The following PARD6B variants were observed in gnomAD, a reference collection of about 807,000 sequenced individuals.
PARD6B encodes the protein par-6 family cell polarity regulator beta, also known as partitioning defective 6 homolog beta.
Under a neutral mutation model 10.5 loss-of-function variants are expected in PARD6B, and 4 were observed. The observed-to-expected ratio is 0.38, with a 90% CI of 0.19 to 0.87. The LOEUF (loss-of-function observed/expected upper bound fraction) is 0.87, where lower values mean the gene tolerates loss of function less well. Ranked by LOEUF, PARD6B falls within the 40% of genes least tolerant of loss-of-function variation. The probability of loss-of-function intolerance (pLI) is 0.41; values close to 1 mark genes in which losing one functional copy is unlikely to be tolerated. For missense variants in PARD6B, 396 were observed against 470.6 expected, an observed-to-expected ratio of 0.84 and a Z score of 1.47; for synonymous variants, 169 against 170.4, an observed-to-expected ratio of 0.99 and a Z score of 0.07.
At position 50,749,959 on chromosome 20, in the gene PARD6B, T is replaced by G. The variant is rs1224858779; in HGVS notation, c.590T>G (p.Leu197Arg). Reference sequence around the variant, plus strand: ...GTTCCAGGGATCTTTATATCCAGGCTTGTCCCAGGAGGTCTGGCTCAAAGT... The same window carrying G: ...GTTCCAGGGATCTTTATATCCAGGCGTGTCCCAGGAGGTCTGGCTCAAAGT... ...EKVPGIFISR[L>R]VPGGLAQSTG... is the part of the protein sequence containing the mutation. Residue 197 changes from leucine (L) to arginine (R), a missense_variant, in exon 3 of 3, where the codon CTT becomes CGT. This residue lies in a region of PARD6B where 208 missense variants were observed against 300.9 expected (regional missense o/e 0.69). Coordinates refer to ENST00000371610, the MANE Select transcript of PARD6B (RefSeq NM_032521.3). 6.8e-6 allele frequency: 11 copies of G among 1,614,236 alleles called. No individual in the cohort carries two copies. The highest frequency in any genetic ancestry group is 9.3e-6 in the Non-Finnish European group (11 of 1,180,046).
intron 2 of PARD6B, among the ~76,000 whole-genome samples, chr20:50,740,700 T>C (rs780777111): frequency 5.3e-5 from 8 of 152,206 alleles, no homozygotes; most frequent in Non-Finnish European, 1.2e-4. Context: ...CCCTTAGAAT[T>C]TGATTTAGAA....
At chr20:50,744,065 G>C (rs2123704771) in intron 2 of PARD6B, among the ~76,000 whole-genome samples, 1 of 146,790 alleles carries the variant, frequency 6.8e-6, no homozygotes, top group South Asian at 2.2e-4. Flanking sequence ...CATGTCCTCT[G>C]CTCCAGGCCA....
intron 2 of PARD6B, among the ~76,000 whole-genome samples, chr20:50,744,105 CTTTTTTT>C (rs753435244): frequency 1.3e-3 from 100 of 77,824 alleles, no homozygotes; most frequent in East Asian, 7.7e-3. Context: ...GAAGTAGCTT[CTTTTTTT>C]TTTTTTTTTT....
chr20:50,750,792 A>C lies in PARD6B; in HGVS notation c.*304A>C. On this transcript the variant is annotated 3_prime_UTR_variant, in exon 3 of 3. Transcript: ENST00000371610. ...TGGAACTATGTGAGAAGACTAGATC[A>C]TTTCTGTTGGAAGTGGTTGCATATT... is the stretch of plus-strand genomic sequence containing the variant. The C allele has an allele frequency of 9.0e-7, 1 of 1,108,574 alleles. No individual in the cohort carries two copies. The highest frequency in any genetic ancestry group is 1.1e-6 in the Non-Finnish European group (1 of 906,334). The allele number at this position is 1,108,574 out of a possible 1,614,324, so 68.7% of individuals were successfully genotyped here. A position where few individuals can be genotyped will look rare whatever the true frequency, so the allele number is the denominator to read the frequency against.
chr20:50,748,213 C>T (rs887173179), intron 2 of PARD6B, among the ~76,000 whole-genome samples: 3 of 152,208 alleles, frequency 2.0e-5, no homozygotes, highest in Admixed American at 1.3e-4. Flanking sequence ...CATAGTGGCG[C>T]ATGCCTGTAA....
Position 50,752,685 on chromosome 20 carries a change from A to T in PARD6B, c.*2197A>T. On this transcript the variant is annotated 3_prime_UTR_variant, in exon 3 of 3. Transcript: ENST00000371610. ...ACCTTTTTAACAATTGTGTGCTATT[A>T]CAACAATGAAGATTCAAATGACTCC... 1.0e-6 allele frequency: 1 copy of T among 977,778 alleles called. No individual in the cohort carries two copies. Among genetic ancestry groups the T allele is most frequent in the Non-Finnish European group, 1.2e-6 (1 of 822,526 alleles). 60.6% of individuals were successfully genotyped at this position (977,778 alleles called of 1,614,324 possible). A position where few individuals can be genotyped will look rare whatever the true frequency, so the allele number is the denominator to read the frequency against.
In PARD6B at chr20:50,753,398, TAAC is replaced by T; in HGVS notation, c.*2913_*2915del. The T allele has an allele frequency of 1.0e-6, 1 of 984,236 alleles. No individual in the cohort carries two copies. The highest frequency in any genetic ancestry group is 1.7e-5 in the African/African-American group (1 of 57,328). The allele number at this position is 984,236 out of a possible 1,614,324, so 61.0% of individuals were successfully genotyped here. ...ATCAATTATTTCAAGTGCACCTTAT[TAAC>T]AAAAGTATCAGTGGATCCAACATAA... On this transcript the variant is annotated 3_prime_UTR_variant, in exon 3 of 3. Coordinates refer to ENST00000371610, the MANE Select transcript of PARD6B (RefSeq NM_032521.3).
intron 1 of PARD6B, among the ~76,000 whole-genome samples, chr20:50,732,856 T>C (rs2087479193): frequency 6.6e-6 from 1 of 151,544 alleles, no homozygotes. Context: ...TAAAATAGAA[T>C]TGAGAAGGCC....
Position 50,753,003 on chromosome 20 carries a change from C to T in PARD6B, c.*2515C>T, listed in dbSNP as rs2123711220. 1.0e-6 allele frequency: 1 copy of T among 983,138 alleles called. No homozygotes were observed. Among genetic ancestry groups the T allele is most frequent in the East Asian group, 1.1e-4 (1 of 8,800 alleles). 60.9% of individuals were successfully genotyped at this position (983,138 alleles called of 1,614,324 possible). ...ATAATGTTAGTATGTAGAAGGTTAA[C>T]TTTCATTTATAATATAAGTGGTGCA... On this transcript the variant is annotated 3_prime_UTR_variant, in exon 3 of 3. Transcript: ENST00000371610.
At chr20:50,732,017 G>A (rs950200850) in intron 1 of PARD6B, among the ~76,000 whole-genome samples, 165 bp downstream of exon 1, 1 of 152,208 alleles carries the variant, frequency 6.6e-6, no homozygotes, top group Admixed American at 6.5e-5. Flanking sequence ...AGGAGGGGGT[G>A]GCGGGGGTCA....
Position 50,750,166 on chromosome 20 carries a change from G to C in PARD6B, c.797G>C (p.Gly266Ala). Residue 266 changes from glycine to alanine, a missense_variant, in exon 3 of 3, where the codon GGT becomes GCT. Transcript: ENST00000371610. ...AACAGTCGGACTTCTGGCAGTTCCG[G>C]TCAGTCTACTGATAACAGCCTTCTT... ...VRNSRTSGSS[G>A]QSTDNSLLGY... The C allele has an allele frequency of 3.1e-6, 5 of 1,614,214 alleles. No individual in the cohort carries two copies. The highest frequency in any genetic ancestry group is 4.2e-6 in the Non-Finnish European group (5 of 1,180,034).
At chr20:50,743,647 T>G (rs2087543255) in intron 2 of PARD6B, among the ~76,000 whole-genome samples, 1 of 152,140 alleles carries the variant, frequency 6.6e-6, no homozygotes, top group African/African-American at 2.4e-5. Flanking sequence ...CCAGCATTTT[T>G]GGTGGCCGAG....
Position 50,752,377 on chromosome 20 carries a change from A to G in PARD6B, c.*1889A>G, listed in dbSNP as rs974799946. On this transcript the variant is annotated 3_prime_UTR_variant, in exon 3 of 3. Coordinates refer to ENST00000371610, the MANE Select transcript of PARD6B (RefSeq NM_032521.3). ...TTTCCTTCATGGGATTTCTAGAAAC[A>G]CTGCCTACACTTTATGAAAACTACA... The G allele has an allele frequency of 1.9e-5, 19 of 985,674 alleles. No homozygotes were observed. Among genetic ancestry groups the G allele is most frequent in the Non-Finnish European group, 2.2e-5 (18 of 829,932 alleles). 61.1% of individuals were successfully genotyped at this position (985,674 alleles called of 1,614,324 possible).
At chr20:50,736,585 G>A (rs991111870) in intron 1 of PARD6B, among the ~76,000 whole-genome samples, 2 of 152,116 alleles carry the variant, frequency 1.3e-5, no homozygotes, top group African/African-American at 4.8e-5. Context: ...TTTGAGGAAG[G>A]CAGATTAACT....
chr20:50,737,228 A>G (rs1373338200), intron 1 of PARD6B, among the ~76,000 whole-genome samples: 1 of 152,160 alleles, frequency 6.6e-6, no homozygotes, highest in Non-Finnish European at 1.5e-5. Context: ...GAGGCTTTCA[A>G]TCTCTAGGGC....
intron 1 of PARD6B, among the ~76,000 whole-genome samples, chr20:50,736,776 C>T (rs995756980): frequency 5.3e-5 from 8 of 151,532 alleles, no homozygotes; most frequent in South Asian, 4.2e-4. Flanking sequence ...TCTCGACTCA[C>T]TGCAACCTCT....
At chr20:50,745,571 C>T (rs943406392) in intron 2 of PARD6B, among the ~76,000 whole-genome samples, 3 of 152,124 alleles carry the variant, frequency 2.0e-5, no homozygotes, top group African/African-American at 4.8e-5. Context: ...GCCATCTTAG[C>T]GTACTTCAGC....
chr20:50,742,180 A>G (rs980754415), intron 2 of PARD6B, among the ~76,000 whole-genome samples: 2 of 152,070 alleles, frequency 1.3e-5, no homozygotes, highest in East Asian at 3.9e-4. Context: ...AGTGGCTGGG[A>G]CTACAGATGC....
intron 2 of PARD6B, among the ~76,000 whole-genome samples, chr20:50,738,735 T>C (rs889372692): frequency 1.3e-5 from 2 of 152,180 alleles, no homozygotes; most frequent in African/African-American, 4.8e-5. Context: ...GTTACTATTG[T>C]GGAAGGATGT....
Sources: gnomAD v4.1 joint callset for allele counts (sites outside exome capture counted in the v4.1 genomes callset) on GRCh38, gnomAD v4.1.1 for gene constraint, gnomAD v4.1.1 regional missense constraint, MANE v1.5 for transcripts, NCBI Gene and HGNC (gene_info 2026-07-23, HGNC 2026-07-21) for gene names.